The following ATRNL1 variants were observed in gnomAD, a reference collection of about 807,000 sequenced individuals.
ATRNL1 encodes attractin-like protein 1.
ATRNL1 carries 95 observed loss-of-function variants against 182.7 expected under a neutral mutation model. The observed-to-expected ratio is 0.52, with a 90% CI of 0.44 to 0.62. The LOEUF is 0.62. Ranked by LOEUF, ATRNL1 falls within the 20% of genes least tolerant of loss-of-function variation. ATRNL1 has a pLI of 0.00. For missense variants in ATRNL1, 1,471 were observed against 1,679.5 expected (o/e 0.88, Z 2.17); for synonymous variants, 576 against 568.3 (o/e 1.01, Z -0.19).
intron 3 of ATRNL1, 41 bp from the exon 4 acceptor site, chr10:115,127,552 G>A (rs1039748762): frequency 1.3e-6 from 2 of 1,534,466 alleles, no homozygotes; most frequent in Middle Eastern, 1.8e-4. Flanking sequence ...ACAGTCTTAT[G>A]TATATCTATA....
intron 20 of ATRNL1, among the ~76,000 whole-genome samples, chr10:115,400,922 G>C (rs1003582067): frequency 3.3e-5 from 5 of 151,660 alleles, no homozygotes; most frequent in African/African-American, 1.2e-4. Context: ...TTTTAATTGG[G>C]GGCATTTAAC....
chr10:115,339,803 A>G (rs1156619265), intron 19 of ATRNL1, among the ~76,000 whole-genome samples: 4 of 151,972 alleles, frequency 2.6e-5, no homozygotes, highest in Admixed American at 2.6e-4. Context: ...AAGCCTCTCA[A>G]TTTTCCCCCT....
intron 24 of ATRNL1, among the ~76,000 whole-genome samples, chr10:115,485,756 T>C (rs937466075): frequency 1.3e-5 from 2 of 152,142 alleles, no homozygotes; most frequent in African/African-American, 2.4e-5. Context: ...TTTCTTTTTT[T>C]ATTATACTTT....
intron 27 of ATRNL1, among the ~76,000 whole-genome samples, chr10:115,843,353 C>T (rs1950854316): frequency 6.6e-6 from 1 of 151,956 alleles, no homozygotes; most frequent in African/African-American, 2.4e-5. Context: ...GAGCTTGATC[C>T]AGTGGGAAAT....
chr10:115,569,443 A>G (rs1302997768), intron 26 of ATRNL1, among the ~76,000 whole-genome samples: 2 of 152,172 alleles, frequency 1.3e-5, no homozygotes, highest in African/African-American at 4.8e-5. Flanking sequence ...TACCCTCTGT[A>G]GGGTTTTACC....
intron 6 of ATRNL1, among the ~76,000 whole-genome samples, chr10:115,162,257 A>C (rs953323208): frequency 3.3e-5 from 5 of 152,100 alleles, no homozygotes; most frequent in African/African-American, 1.2e-4. Flanking sequence ...AGGAGTAGGT[A>C]AATCAGGAGT....
intron 28 of ATRNL1, among the ~76,000 whole-genome samples, chr10:115,910,124 A>G (rs1401428001): frequency 6.6e-6 from 1 of 152,082 alleles, no homozygotes; most frequent in African/African-American, 2.4e-5. Flanking sequence ...AAAGCAACTG[A>G]AACCAACCTG....
rs145314647 is a variant in ATRNL1, at chr10:115,120,321, G to T, written c.377+53G>T. 2.6e-3 allele frequency: 2,421 copies of T among 945,702 alleles called. 26 individuals carry two copies. The highest frequency in any genetic ancestry group is 0.022 in the African/African-American group (1,289 of 59,084). 58.6% of individuals were successfully genotyped at this position (945,702 alleles called of 1,614,324 possible). The stretch of plus-strand genomic sequence containing the variant: ...TGTATTTTATTCTTAAATGATAAAG[G>T]TGATCATATTAATGTCAGAGCATTA... On this transcript the variant is annotated intron_variant, in intron 2 of 28. Transcript: ENST00000355044.
At chr10:115,154,135 C>T (rs10885661) in intron 5 of ATRNL1, among the ~76,000 whole-genome samples, 51,384 of 148,292 alleles carry the variant, frequency 0.35, 9,614 homozygotes, top group African/African-American at 0.47. Context: ...TCCAACTATG[C>T]GGTCAATTTT....
At chr10:115,139,076 A>C (rs1592153947) in intron 5 of ATRNL1, among the ~76,000 whole-genome samples, 2 of 152,174 alleles carry the variant, frequency 1.3e-5, no homozygotes, top group East Asian at 3.9e-4. Context: ...AACAAGAGTC[A>C]CCTTTGTTCC....
intron 19 of ATRNL1, among the ~76,000 whole-genome samples, chr10:115,346,391 C>G (rs880002018): frequency 1.3e-5 from 2 of 152,176 alleles, no homozygotes; most frequent in African/African-American, 2.4e-5. Flanking sequence ...GCTTATTTCT[C>G]TTAGCATAAG....
At chr10:115,532,307 A>C (rs1316057808) in intron 25 of ATRNL1, among the ~76,000 whole-genome samples, 2 of 151,940 alleles carry the variant, frequency 1.3e-5, no homozygotes, top group Non-Finnish European at 2.9e-5. Flanking sequence ...TATTTCATCG[A>C]GTGCTGGTTT....
rs1953842907 is a variant in ATRNL1, at chr10:115,944,957, AG to A, written c.*179del. On this transcript the variant is annotated 3_prime_UTR_variant, in exon 29 of 29. Transcript: ENST00000355044. ...AAAGAATGTTCATGAGTTTTATAAA[AG>A]TATTGATGGTCACAGGTGATAAAGT... 1 of 601,244 alleles carries A rather than the reference AG, an allele frequency of 1.7e-6. No individual in the cohort carries two copies. The highest frequency in any genetic ancestry group is 2.5e-6 in the Non-Finnish European group (1 of 395,288). 37.2% of individuals were successfully genotyped at this position (601,244 alleles called of 1,614,324 possible).
intron 5 of ATRNL1, among the ~76,000 whole-genome samples, chr10:115,153,198 C>T (rs1445243352): frequency 6.6e-6 from 1 of 152,042 alleles, no homozygotes; most frequent in Non-Finnish European, 1.5e-5. Flanking sequence ...TGTGTCTCTG[C>T]CAGGCTTTGG....
intron 26 of ATRNL1, among the ~76,000 whole-genome samples, chr10:115,602,609 A>G (rs1194781711): frequency 2.6e-5 from 4 of 152,146 alleles, no homozygotes; most frequent in Non-Finnish European, 5.9e-5. Flanking sequence ...CATGCCTGTA[A>G]TCCAAACACT....
intron 5 of ATRNL1, among the ~76,000 whole-genome samples, chr10:115,153,392 A>C (rs1257800083): frequency 2.0e-5 from 3 of 151,548 alleles, no homozygotes; most frequent in Non-Finnish European, 3.0e-5. Context: ...CCTCAATTTC[A>C]GAGCCTGGTC....
chr10:115,531,472 G>T lies in ATRNL1; in HGVS notation c.3716+12148G>T, dbSNP rs550207432. On this transcript the variant is annotated intron_variant, in intron 25 of 28. Transcript: ENST00000355044. ...TACCCTTTGGCCACTTTTTGATGGG[G>T]TTGTTTGTTTTTTTCTTGTAAATTT... Among the ~76,000 whole-genome samples, 9 of 152,182 alleles carry T rather than the reference G, an allele frequency of 5.9e-5. No individual in the cohort carries two copies. In the South Asian group the frequency reaches 6.2e-4, roughly 11 times the overall value.
At chr10:115,482,196 C>G (rs1554974300) in intron 24 of ATRNL1, among the ~76,000 whole-genome samples, 1 of 151,000 alleles carries the variant, frequency 6.6e-6, no homozygotes, top group South Asian at 2.1e-4. Flanking sequence ...TTACTAGAAT[C>G]ACTAAATAAA....
At chr10:115,199,988 A>C (rs908641443) in intron 8 of ATRNL1, among the ~76,000 whole-genome samples, 3 of 152,090 alleles carry the variant, frequency 2.0e-5, no homozygotes, top group Non-Finnish European at 4.4e-5. Context: ...GGGCACCATC[A>C]GGGAGGGAAT....
Sources: allele counts gnomAD v4.1 joint callset (sites outside exome capture counted in the v4.1 genomes callset), GRCh38; gene constraint gnomAD v4.1.1; transcripts MANE v1.5; gene names NCBI Gene and HGNC (gene_info 2026-07-23, HGNC 2026-07-21).